Variants in MAPKAP1 observed in about 807,000 individuals in gnomAD.
The protein encoded by MAPKAP1 is MAPK associated protein 1.
A neutral mutation model predicts 65.7 loss-of-function variants in MAPKAP1; 20 were observed. The observed-to-expected ratio is 0.30, with a 90% CI of 0.21 to 0.44. MAPKAP1 has a LOEUF of 0.44. Among genes scored for constraint, MAPKAP1 ranks in the 20% least tolerant of loss-of-function variants. MAPKAP1 has a pLI of 1.00. For missense variants in MAPKAP1, 423 were observed against 648.0 expected, an observed-to-expected ratio of 0.65 and a Z score of 3.77; for synonymous variants, 222 against 244.3, an observed-to-expected ratio of 0.91 and a Z score of 0.85.
intron 10 of MAPKAP1, among the ~76,000 whole-genome samples, chr9:125,456,660 T>G (rs1461559904): frequency 6.6e-6 from 1 of 152,212 alleles, no homozygotes; most frequent in Non-Finnish European, 1.5e-5. Context: ...TGAAGCCAGC[T>G]CCATCATGTA....
At chr9:125,503,510 A>T (rs1160384906) in intron 8 of MAPKAP1, among the ~76,000 whole-genome samples, 1 of 152,122 alleles carries the variant, frequency 6.6e-6, no homozygotes, top group Non-Finnish European at 1.5e-5. Context: ...TCAGCTTTTT[A>T]AGTTACCTTC....
chr9:125,500,918 C>T (rs1164957458), intron 8 of MAPKAP1, among the ~76,000 whole-genome samples: 3 of 152,038 alleles, frequency 2.0e-5, no homozygotes, highest in South Asian at 4.2e-4. Context: ...ATGACAGGGG[C>T]GGAGGGAGGG....
chr9:125,587,011 G>A (rs893850891), intron 4 of MAPKAP1, among the ~76,000 whole-genome samples: 2 of 152,182 alleles, frequency 1.3e-5, no homozygotes, highest in Admixed American at 6.5e-5. Context: ...AATGGGGAAC[G>A]TACAGTCTTT....
chr9:125,596,453 CTGG>C (rs1292929847), intron 4 of MAPKAP1: 5 of 761,468 alleles, frequency 6.6e-6, no homozygotes, highest in Admixed American at 3.4e-5. Context: ...TACAATGATT[CTGG>C]CAATTACAAC....
intron 1 of MAPKAP1, among the ~76,000 whole-genome samples, chr9:125,674,826 A>G (rs1834598460): frequency 6.6e-6 from 1 of 152,200 alleles, no homozygotes; most frequent in African/African-American, 2.4e-5. Context: ...TGAGTAAGGT[A>G]TCCCTGAATC....
At chr9:125,549,269 G>A (rs550359860) in intron 6 of MAPKAP1, among the ~76,000 whole-genome samples, 44 of 152,312 alleles carry the variant, frequency 2.9e-4, no homozygotes, top group African/African-American at 1.0e-3. Flanking sequence ...AGCAGTTCTC[G>A]AGTCTCTGGT....
intron 8 of MAPKAP1, 38 bp from the exon 9 acceptor site, chr9:125,484,621 T>C (rs747097348): frequency 6.4e-7 from 1 of 1,573,022 alleles, no homozygotes; most frequent in Non-Finnish European, 8.6e-7. Context: ...TAAAGATACA[T>C]GAGGCTTGGC....
intron 3 of MAPKAP1, among the ~76,000 whole-genome samples, chr9:125,667,900 T>C (rs567023249): frequency 6.6e-6 from 1 of 152,194 alleles, no homozygotes; most frequent in African/African-American, 2.4e-5. Flanking sequence ...ATATAAAGTA[T>C]TTTCAGTTTG....
At chr9:125,517,275 C>T (rs1306672227) in intron 7 of MAPKAP1, among the ~76,000 whole-genome samples, 1 of 152,124 alleles carries the variant, frequency 6.6e-6, no homozygotes, top group African/African-American at 2.4e-5. Context: ...GGAGACCAGG[C>T]AGCAGGGAAG....
chr9:125,698,320 T>TATATATATA (rs1835486549), intron 1 of MAPKAP1, among the ~76,000 whole-genome samples: 7 of 102,750 alleles, frequency 6.8e-5, no homozygotes, highest in Admixed American at 1.1e-4. Flanking sequence ...TATATATATA[T>TATATATATA]ATATATATAT....
intron 4 of MAPKAP1, among the ~76,000 whole-genome samples, chr9:125,608,365 A>C (rs116603687): frequency 0.011 from 1,632 of 152,274 alleles, 36 homozygotes; most frequent in African/African-American, 0.036. Flanking sequence ...ACAAGCCATC[A>C]TAGCAAGGGA....
chr9:125,671,549 A>T (rs2131798965), intron 2 of MAPKAP1, among the ~76,000 whole-genome samples: 1 of 152,304 alleles, frequency 6.6e-6, no homozygotes, highest in South Asian at 2.1e-4. Context: ...AATACCTGTC[A>T]TATTAGAACT....
At position 125,604,747 on chromosome 9, in the gene MAPKAP1, G is replaced by C. The variant is rs142471142; in HGVS notation, c.499-19020C>G. Among the ~76,000 whole-genome samples, 151 of 152,344 alleles carry C rather than the reference G, an allele frequency of 9.9e-4. 1 individual carries two copies. Among genetic ancestry groups the C allele is most frequent in the African/African-American group, 3.6e-3 (148 of 41,572 alleles). Reference sequence around the variant, plus strand: ...AGAGGGACTGTACGTACTCGTGCTTGTGTGTACTGAAAATCAACAAGAAGT... The same window carrying C: ...AGAGGGACTGTACGTACTCGTGCTTCTGTGTACTGAAAATCAACAAGAAGT... On this transcript the variant is annotated intron_variant, in intron 4 of 11. Coordinates refer to ENST00000265960, the MANE Select transcript of MAPKAP1 (RefSeq NM_001006617.3).
chr9:125,514,038 C>G (rs761274671), intron 7 of MAPKAP1, among the ~76,000 whole-genome samples: 2 of 152,146 alleles, frequency 1.3e-5, no homozygotes, highest in African/African-American at 2.4e-5. Context: ...TCAAAGGACA[C>G]GTGACGCTGG....
chr9:125,550,874 A>G (rs1370749339), intron 6 of MAPKAP1, among the ~76,000 whole-genome samples: 4 of 152,248 alleles, frequency 2.6e-5, no homozygotes, highest in African/African-American at 9.6e-5. Context: ...ATAAATAACC[A>G]GGATAATTTA....
At chr9:125,553,566 G>A (rs993970462) in intron 6 of MAPKAP1, among the ~76,000 whole-genome samples, 2 of 151,722 alleles carry the variant, frequency 1.3e-5, no homozygotes, top group Non-Finnish European at 2.9e-5. Context: ...GGAGGGGAGG[G>A]CAAGACGGAA....
intron 8 of MAPKAP1, among the ~76,000 whole-genome samples, chr9:125,491,845 T>G (rs745321726): frequency 4.6e-5 from 7 of 151,700 alleles, no homozygotes; most frequent in African/African-American, 1.7e-4. Flanking sequence ...GAAATTACTG[T>G]TTTTCAATAA....
chr9:125,677,359 C>T (rs967185559), intron 1 of MAPKAP1, among the ~76,000 whole-genome samples: 8 of 151,986 alleles, frequency 5.3e-5, no homozygotes, highest in African/African-American at 1.9e-4. Flanking sequence ...CAAGATGGTG[C>T]CACTGCCCTC....
chr9:125,521,482 A>G, intron 7 of MAPKAP1: 1 of 1,248,022 alleles, frequency 8.0e-7, no homozygotes, highest in East Asian at 3.5e-5. Flanking sequence ...GTGGAAATAA[A>G]CAGTCATTTA....
Sources: allele counts gnomAD v4.1 joint callset (sites outside exome capture counted in the v4.1 genomes callset), GRCh38; gene constraint gnomAD v4.1.1; transcripts MANE v1.5; gene names NCBI Gene and HGNC (gene_info 2026-07-23, HGNC 2026-07-21).